CMPK1: variants seen among roughly 807,000 people sequenced by gnomAD.
CMPK1 encodes cytidine/uridine monophosphate kinase 1, also known as UMP-CMP kinase.
Under a neutral mutation model 25.7 loss-of-function variants are expected in CMPK1, and 10 were observed. The ratio of observed to expected loss-of-function variants is 0.39; its 90% CI spans 0.24 to 0.66. The LOEUF is 0.66. CMPK1 is among the 30% of genes least tolerant of loss of function. The pLI is 0.48. For synonymous variants in CMPK1, 106 were observed against 101.5 expected (o/e 1.04, Z -0.27); for missense variants, 199 against 280.5 (o/e 0.71, Z 2.08).
intron 1 of CMPK1, among the ~76,000 whole-genome samples, chr1:47,334,524 C>A (rs185656774): frequency 8.1e-4 from 124 of 152,326 alleles, no homozygotes; most frequent in African/African-American, 2.8e-3. Flanking sequence ...CCGTGTGCGC[C>A]CACAGTTGTC....
intron 1 of CMPK1, among the ~76,000 whole-genome samples, chr1:47,338,745 T>C (rs1056802950): frequency 2.6e-5 from 4 of 152,074 alleles, no homozygotes; most frequent in Non-Finnish European, 4.4e-5. Context: ...GTGTGATACT[T>C]AGAGTTAAGT....
intron 1 of CMPK1, among the ~76,000 whole-genome samples, chr1:47,346,482 T>A (rs1470539243): frequency 6.6e-6 from 1 of 152,018 alleles, no homozygotes; most frequent in Admixed American, 6.6e-5. Context: ...TTTATCTCCC[T>A]GTCTCTTTTC....
intron 2 of CMPK1, among the ~76,000 whole-genome samples, chr1:47,370,430 G>T (rs962231802): frequency 6.6e-6 from 1 of 150,702 alleles, no homozygotes; most frequent in African/African-American, 2.4e-5. Context: ...CTTGAGGTCA[G>T]GAGTTCGAGA....
At chr1:47,368,942 A>G (rs1483380735) in intron 2 of CMPK1, among the ~76,000 whole-genome samples, 1 of 152,214 alleles carries the variant, frequency 6.6e-6, no homozygotes, top group Non-Finnish European at 1.5e-5. Context: ...AAATAAATAA[A>G]TAAACAACAA....
intron 1 of CMPK1, among the ~76,000 whole-genome samples, chr1:47,336,331 GT>G (rs1261456934): frequency 6.6e-6 from 1 of 152,220 alleles, no homozygotes; most frequent in Admixed American, 6.5e-5. Flanking sequence ...GTTGCCTTTA[GT>G]TCCCTGTGAA....
rs1646712313 is a variant in CMPK1 at position 47,376,982 on chromosome 1, G to C, written c.*237G>C. On this transcript the variant is annotated 3_prime_UTR_variant, in exon 6 of 6. Transcript: ENST00000371873. The stretch of plus-strand genomic sequence containing the variant: ...GGTGCTCACCAAACGAAGGGTATCA[G>C]CTATTTTTTTTAAAATTCAAAAAGA... 2 of 349,330 alleles carry C rather than the reference G, an allele frequency of 5.7e-6. No individual in the cohort carries two copies. Among genetic ancestry groups the C allele is most frequent in the Non-Finnish European group, 1.0e-5 (2 of 194,288 alleles). The allele number at this position is 349,330 out of a possible 1,614,324, so 21.6% of individuals were successfully genotyped here. A position where few individuals can be genotyped will look rare whatever the true frequency, so the allele number is the denominator to read the frequency against.
At chr1:47,371,467 T>TA (rs1278953067) in intron 2 of CMPK1, among the ~76,000 whole-genome samples, 2 of 152,262 alleles carry the variant, frequency 1.3e-5, no homozygotes, top group Non-Finnish European at 2.9e-5. Flanking sequence ...TATCAAATAA[T>TA]ACTTTTGTCA....
intron 1 of CMPK1, among the ~76,000 whole-genome samples, chr1:47,334,449 G>A (rs1378338597): frequency 1.3e-5 from 2 of 152,242 alleles, no homozygotes; most frequent in African/African-American, 4.8e-5. Context: ...CCAGCGCGCA[G>A]AGGTTAGCGT....
chr1:47,368,772 C>T (rs1022023371), intron 2 of CMPK1, among the ~76,000 whole-genome samples, 157 bp downstream of exon 2: 1 of 152,142 alleles, frequency 6.6e-6, no homozygotes, highest in African/African-American at 2.4e-5. Context: ...CCAGCCTGGA[C>T]AACCTAGTGA....
chr1:47,360,309 C>T (rs2622908), intron 1 of CMPK1, among the ~76,000 whole-genome samples: 63,675 of 151,990 alleles, frequency 0.42, 15,434 homozygotes, highest in South Asian at 0.55. Flanking sequence ...CTGGAATTGA[C>T]CAATTACAGA....
Position 47,361,931 on chromosome 1 carries a change from C to T in CMPK1, c.172-6538C>T, listed in dbSNP as rs570278687. On this transcript the variant is annotated intron_variant, in intron 1 of 5. Coordinates refer to ENST00000371873, the MANE Select transcript of CMPK1 (RefSeq NM_016308.3). ...TATTGCCCAGGCTGGAGTGCAATGG[C>T]GCGATCTTGGCTCACCACAACCTCC... Among the ~76,000 whole-genome samples the T allele has an allele frequency of 4.0e-4, 57 of 142,570 alleles. 3 individuals carry two copies. In the South Asian group the frequency reaches 0.012, roughly 29 times the overall value. The allele number at this position is 142,570 out of a possible 152,430, so 93.5% of individuals were successfully genotyped here. A position where few individuals can be genotyped will look rare whatever the true frequency, so the allele number is the denominator to read the frequency against.
intron 1 of CMPK1, among the ~76,000 whole-genome samples, chr1:47,364,151 T>A (rs930993163): frequency 2.0e-5 from 3 of 152,120 alleles, no homozygotes; most frequent in African/African-American, 7.2e-5. Context: ...AGGATCTGCC[T>A]TTAGATATGG....
At chr1:47,360,454 A>C (rs1184502746) in intron 1 of CMPK1, among the ~76,000 whole-genome samples, 1 of 152,176 alleles carries the variant, frequency 6.6e-6, no homozygotes, top group African/African-American at 2.4e-5. Flanking sequence ...CCTTACATAG[A>C]TGAGGAAACA....
intron 1 of CMPK1, among the ~76,000 whole-genome samples, chr1:47,355,058 C>T (rs893591141): frequency 1.4e-5 from 2 of 148,054 alleles, no homozygotes; most frequent in Non-Finnish European, 3.0e-5. Flanking sequence ...ATCACATTGT[C>T]TTTTTTTTTT....
chr1:47,369,393 G>A (rs1646661113), intron 2 of CMPK1, among the ~76,000 whole-genome samples: 1 of 152,184 alleles, frequency 6.6e-6, no homozygotes, highest in Admixed American at 6.5e-5. Context: ...GAAGAAAGCG[G>A]ACAGTGGCAA....
intron 1 of CMPK1, among the ~76,000 whole-genome samples, chr1:47,343,422 C>T (rs1027533972): frequency 2.6e-5 from 4 of 151,082 alleles, no homozygotes; most frequent in Admixed American, 6.6e-5. Context: ...GTAGGAGAAT[C>T]GCTTGAACCT....
At chr1:47,369,003 G>C (rs1032672235) in intron 2 of CMPK1, among the ~76,000 whole-genome samples, 7 of 151,990 alleles carry the variant, frequency 4.6e-5, no homozygotes, top group African/African-American at 1.7e-4. Context: ...AAATATCAAA[G>C]ATTTTTTGTT....
intron 1 of CMPK1, among the ~76,000 whole-genome samples, chr1:47,336,870 T>C (rs996461716): frequency 1.3e-5 from 2 of 152,278 alleles, no homozygotes. Flanking sequence ...TAAATTACTT[T>C]ATGCGTGTTA....
At position 47,373,100 on chromosome 1, in the gene CMPK1, A is replaced by ATAATGAGG; in HGVS notation, c.471_471+7dup. 6.2e-7 allele frequency: 1 copy of ATAATGAGG among 1,605,540 alleles called. No homozygotes were observed. Among genetic ancestry groups the ATAATGAGG allele is most frequent in the Non-Finnish European group, 8.5e-7 (1 of 1,176,556 alleles). Reference sequence around the variant, plus strand: ...TCTTTCGTTCTCTTTTTTGACTGTAATAATGAGGTAATGAAAATCTTCATC... The same window carrying ATAATGAGG: ...TCTTTCGTTCTCTTTTTTGACTGTAATAATGAGGTAATGAGGTAATGAAAATCTTCATC... On this transcript the variant is annotated frameshift_variant, in exon 3 of 6. Coordinates refer to ENST00000371873, the MANE Select transcript of CMPK1 (RefSeq NM_016308.3). LOFTEE classifies it high-confidence loss of function.
Sources: allele counts gnomAD v4.1 joint callset (sites outside exome capture counted in the v4.1 genomes callset), GRCh38; gene constraint gnomAD v4.1.1; transcripts MANE v1.5; gene names NCBI Gene and HGNC (gene_info 2026-07-23, HGNC 2026-07-21).